Variants in VEZT observed in about 807,000 individuals in gnomAD.
VEZT encodes vezatin.
Under a neutral mutation model 79.9 loss-of-function variants are expected in VEZT, and 39 were observed. That is an observed-to-expected ratio of 0.49 (90% CI 0.38 to 0.64). VEZT has a LOEUF of 0.64. Among genes scored for constraint, VEZT ranks in the 30% least tolerant of loss-of-function variants. The pLI, the probability that VEZT is intolerant of heterozygous loss-of-function variation, is 0.00. For synonymous variants in VEZT, 325 were observed against 327.6 expected, an observed-to-expected ratio of 0.99 and a Z score of 0.09; for missense variants, 837 against 893.1, an observed-to-expected ratio of 0.94 and a Z score of 0.80.
intron 1 of VEZT, among the ~76,000 whole-genome samples, chr12:95,249,979 G>GT (rs1165321675): frequency 2.7e-4 from 40 of 150,602 alleles, no homozygotes; most frequent in African/African-American, 9.3e-4. Context: ...AAAATACTTA[G>GT]TTAAGATTTT....
intron 1 of VEZT, chr12:95,242,331 A>T (rs2061133441): frequency 6.6e-6 from 1 of 152,026 alleles, no homozygotes; most frequent in South Asian, 2.1e-4. Context: ...CCCCATCTCT[A>T]AAAAAAATAA....
intron 3 of VEZT, among the ~76,000 whole-genome samples, chr12:95,261,500 C>T (rs2138340475): frequency 6.6e-6 from 1 of 152,264 alleles, no homozygotes; most frequent in Admixed American, 6.5e-5. Context: ...CAACCTCCGC[C>T]TCCTGGGTTC....
intron 4 of VEZT, among the ~76,000 whole-genome samples, chr12:95,264,868 T>C (rs1420677145): frequency 7.5e-6 from 1 of 132,854 alleles, no homozygotes; most frequent in Non-Finnish European, 1.6e-5. Flanking sequence ...TCTTTTCTTT[T>C]CTTTTTTTTT....
intron 6 of VEZT, 135 bp from the exon 7 acceptor site, chr12:95,274,607 G>A: frequency 1.2e-6 from 1 of 801,102 alleles, no homozygotes; most frequent in South Asian, 3.0e-5. Context: ...AAATTAATTT[G>A]TGTTTAAAAA....
rs1213729346 is a variant in VEZT at position 95,270,130 on chromosome 12, C to T, written c.790C>T (p.Arg264Ter). 3 of 1,611,204 alleles carry T rather than the reference C, an allele frequency of 1.9e-6. No homozygotes were observed. Among genetic ancestry groups the T allele is most frequent in the African/African-American group, 1.3e-5 (1 of 74,854 alleles). ...CATCGGTCTTCGGAAAGCTGTCTAC[C>T]GAACTCTAAGAGCCAACTTCCAAGC... ...HLIGLRKAVYRTLRANFQAAR... is the reference protein window; with the variant it reads ...HLIGLRKAVY Residue 264 changes from arginine (R) to a stop codon, truncating the protein, a stop_gained, in exon 6 of 12, where the codon CGA (arginine) becomes TGA (stop). Coordinates refer to ENST00000436874, the MANE Select transcript of VEZT (RefSeq NM_017599.4). LOFTEE classifies it high-confidence loss of function.
At chr12:95,277,593 A>AT (rs952532652) in intron 7 of VEZT, among the ~76,000 whole-genome samples, 8 of 152,190 alleles carry the variant, frequency 5.3e-5, no homozygotes, top group African/African-American at 1.9e-4. Context: ...GAAAATAAAG[A>AT]TTTTTTTCAA....
intron 5 of VEZT, 181 bp from the exon 6 acceptor site, chr12:95,269,870 C>A (rs2066258946): frequency 8.7e-6 from 5 of 573,968 alleles, no homozygotes; most frequent in Non-Finnish European, 1.5e-5. Context: ...ATATATATAT[C>A]TAGTCACAGA....
intron 1 of VEZT, among the ~76,000 whole-genome samples, chr12:95,220,348 G>A (rs2057379594): frequency 6.6e-6 from 1 of 152,134 alleles, no homozygotes; most frequent in South Asian, 2.1e-4. Flanking sequence ...CCAGCTACTC[G>A]GGAGGCTGAG....
intron 2 of VEZT, among the ~76,000 whole-genome samples, chr12:95,254,294 G>C (rs1410129888): frequency 6.9e-6 from 1 of 145,710 alleles, no homozygotes; most frequent in Non-Finnish European, 1.5e-5. Flanking sequence ...ACATTTCTAA[G>C]ACAAGTTTTT....
chr12:95,233,502 T>C (rs1219194814), intron 1 of VEZT, among the ~76,000 whole-genome samples: 4 of 152,144 alleles, frequency 2.6e-5, no homozygotes, highest in African/African-American at 9.7e-5. Context: ...CAGGTTCAAG[T>C]GATTCTCCCA....
chr12:95,242,955 A>G (rs1307794567), intron 1 of VEZT, among the ~76,000 whole-genome samples: 1 of 151,780 alleles, frequency 6.6e-6, no homozygotes, highest in Non-Finnish European at 1.5e-5. Flanking sequence ...TCAAGTTTAC[A>G]TTTTTGTTCC....
intron 1 of VEZT, among the ~76,000 whole-genome samples, chr12:95,232,155 G>C (rs1223123153): frequency 6.6e-6 from 1 of 152,076 alleles, no homozygotes; most frequent in Admixed American, 6.6e-5. Context: ...ATAGCTTTAA[G>C]CTATATTCAA....
chr12:95,300,580 T>A lies in VEZT; in HGVS notation c.2247T>A (p.Ser749=). The A allele has an allele frequency of 1.9e-6, 3 of 1,613,844 alleles. No individual in the cohort carries two copies. The highest frequency in any genetic ancestry group is 2.5e-6 in the Non-Finnish European group (3 of 1,179,878). The change falls in exon 12 of 12, where the codon TCT becomes TCA. Residue 749 remains serine (S), a synonymous_variant. Transcript: ENST00000436874. The part of the protein sequence containing the change: ...AGLAAEVAAR[S]LSFTTMQEQT... ...TTGCTGCAGAAGTGGCTGCTAGATC[T>A]CTCTCCTTTACCACCATGCAGGAAC...
intron 1 of VEZT, among the ~76,000 whole-genome samples, chr12:95,247,853 A>G (rs68187856): frequency 0.11 from 16,758 of 152,244 alleles, 1,341 homozygotes; most frequent in African/African-American, 0.23. Context: ...ATCTGGGTTT[A>G]CATGTGTTAG....
chr12:95,275,247 T>G (rs573037524), intron 7 of VEZT, among the ~76,000 whole-genome samples: 1 of 152,178 alleles, frequency 6.6e-6, no homozygotes, highest in Non-Finnish European at 1.5e-5. Context: ...ATTCTTAAGT[T>G]TTTTTTTCAT....
At chr12:95,256,097 G>T (rs1004452550) in intron 2 of VEZT, among the ~76,000 whole-genome samples, 1 of 151,820 alleles carries the variant, frequency 6.6e-6, no homozygotes, top group Non-Finnish European at 1.5e-5. Context: ...TGTCACCCAG[G>T]CTGGAGTGCA....
At chr12:95,221,950 A>G (rs925545633) in intron 1 of VEZT, among the ~76,000 whole-genome samples, 4 of 152,234 alleles carry the variant, frequency 2.6e-5, no homozygotes, top group Non-Finnish European at 5.9e-5. Flanking sequence ...CAAATAATCT[A>G]GAGATGATTT....
intron 5 of VEZT, among the ~76,000 whole-genome samples, chr12:95,268,204 T>C (rs1377144277): frequency 2.0e-5 from 3 of 152,006 alleles, no homozygotes; most frequent in Non-Finnish European, 2.9e-5. Flanking sequence ...TTAAAATAAG[T>C]AATATTTCCG....
At chr12:95,270,017 G>GT in intron 5 of VEZT, 34 bp from the exon 6 acceptor site, 1 of 1,597,756 alleles carries the variant, frequency 6.3e-7, no homozygotes, top group Non-Finnish European at 8.5e-7. Flanking sequence ...CTGTACAGTT[G>GT]TATCACATTT....
Sources: gnomAD v4.1 joint callset for allele counts (sites outside exome capture counted in the v4.1 genomes callset) on GRCh38, gnomAD v4.1.1 for gene constraint, MANE v1.5 for transcripts, NCBI Gene and HGNC (gene_info 2026-07-23, HGNC 2026-07-21) for gene names.